Variants in COPG2 observed in about 807,000 individuals in gnomAD.
COPG2 encodes the protein coatomer subunit gamma-2.
COPG2 carries 37 observed loss-of-function variants against 46.3 expected under a neutral mutation model. The observed-to-expected ratio is 0.80, with a 90% CI of 0.61 to 1.05. The LOEUF (loss-of-function observed/expected upper bound fraction) is 1.05. Among genes scored for constraint, COPG2 ranks in the 50% least tolerant of loss-of-function variants. COPG2 has a pLI of 0.00. For missense variants in COPG2, 427 were observed against 387.8 expected (o/e 1.10, Z -0.85); for synonymous variants, 159 against 129.7 (o/e 1.23, Z -1.53).
At chr7:130,613,971 T>C (rs1421664850) in intron 6 of COPG2, among the ~76,000 whole-genome samples, 1 of 152,180 alleles carries the variant, frequency 6.6e-6, no homozygotes, top group East Asian at 1.9e-4. Context: ...GAAATTCCTA[T>C]ATGGAGATGG....
chr7:130,583,673 C>T (rs1205362210), intron 9 of COPG2, among the ~76,000 whole-genome samples: 5 of 150,200 alleles, frequency 3.3e-5, no homozygotes, highest in African/African-American at 7.3e-5. Context: ...GGCATGGTGG[C>T]GCATGCCTGT....
At chr7:130,577,439 C>T (rs1554446402) in intron 9 of COPG2, among the ~76,000 whole-genome samples, 1 of 152,166 alleles carries the variant, frequency 6.6e-6, no homozygotes, top group Non-Finnish European at 1.5e-5. Context: ...TCACTCCCAC[C>T]CGAATATTGA....
intron 20 of COPG2, among the ~76,000 whole-genome samples, chr7:130,523,658 C>T (rs1362644679): frequency 2.0e-5 from 3 of 152,254 alleles, no homozygotes; most frequent in Non-Finnish European, 2.9e-5. Flanking sequence ...GGGTTTCCAA[C>T]GCCTCGGTCC....
chr7:130,605,151 T>C, intron 9 of COPG2: 1 of 515,928 alleles, frequency 1.9e-6, no homozygotes, highest in Non-Finnish European at 3.9e-6. Flanking sequence ...CTTTAATCTG[T>C]TTTCTCTCTG....
chr7:130,626,400 A>ATTTTTT (rs60484682), intron 5 of COPG2, among the ~76,000 whole-genome samples: 6 of 119,842 alleles, frequency 5.0e-5, no homozygotes, highest in African/African-American at 1.3e-4. Context: ...CACCAGGCTA[A>ATTTTTT]TTTTTTTTTT....
chr7:130,611,292 AT>A (rs1302905675), intron 8 of COPG2, among the ~76,000 whole-genome samples, 182 bp from the exon 9 acceptor site: 1 of 152,196 alleles, frequency 6.6e-6, no homozygotes, highest in Non-Finnish European at 1.5e-5. Flanking sequence ...AACGTTTCTA[AT>A]TTACCCCTAG....
chr7:130,653,773 A>T (rs1413793763), intron 4 of COPG2, among the ~76,000 whole-genome samples: 1 of 152,198 alleles, frequency 6.6e-6, no homozygotes, highest in Admixed American at 6.5e-5. Flanking sequence ...AGTCCAAGCT[A>T]TGGAGAAAAC....
intron 9 of COPG2, among the ~76,000 whole-genome samples, chr7:130,576,744 GGAA>G (rs1554446273): frequency 6.6e-6 from 1 of 151,626 alleles, no homozygotes; most frequent in South Asian, 2.1e-4. Context: ...GCAGAAGAAA[GGAA>G]ATAACTAAGA....
chr7:130,565,816 A>C (rs1793793378), intron 9 of COPG2, among the ~76,000 whole-genome samples: 1 of 152,186 alleles, frequency 6.6e-6, no homozygotes, highest in Non-Finnish European at 1.5e-5. Context: ...AATTCACCAG[A>C]AAAAGTTCAA....
chr7:130,628,584 CA>C (rs1795163550), intron 5 of COPG2, among the ~76,000 whole-genome samples: 1 of 152,004 alleles, frequency 6.6e-6, no homozygotes, highest in Non-Finnish European at 1.5e-5. Flanking sequence ...AATAATTTTT[CA>C]AAAAGAAAAA....
intron 20 of COPG2, among the ~76,000 whole-genome samples, chr7:130,521,623 T>C (rs897785877): frequency 6.6e-6 from 1 of 152,142 alleles, no homozygotes; most frequent in African/African-American, 2.4e-5. Flanking sequence ...TACTAAAAAA[T>C]AAGATTTGCC....
intron 5 of COPG2, among the ~76,000 whole-genome samples, chr7:130,617,335 C>T (rs534263280): frequency 8.5e-5 from 13 of 152,244 alleles, no homozygotes; most frequent in Middle Eastern, 3.4e-3. Context: ...AAGATAATCA[C>T]GTAAACAAAA....
chr7:130,578,683 G>A (rs551077110), intron 9 of COPG2, among the ~76,000 whole-genome samples: 2 of 152,204 alleles, frequency 1.3e-5, no homozygotes, highest in East Asian at 1.9e-4. Context: ...ACCAAGGCCC[G>A]AGAACTATAT....
At position 130,513,308 on chromosome 7, in the gene COPG2, A is replaced by AT. The variant is rs1554441290; in HGVS notation, c.2150-4650_2150-4649insA. Among the ~76,000 whole-genome samples, 111 of 55,664 alleles carry AT rather than the reference A, an allele frequency of 2.0e-3. 3 individuals are homozygous for AT. The highest frequency in any genetic ancestry group is 8.6e-3 in the African/African-American group (91 of 10,548). 36.5% of individuals were successfully genotyped at this position (55,664 alleles called of 152,430 possible). On this transcript the variant is annotated intron_variant, in intron 20 of 23. Transcript: ENST00000425248. The stretch of plus-strand genomic sequence containing the variant: ...TTCTGTCTAAAAAAAAAAAAAAAAA[A>AT]ATATATATATATATATATATATATA...
intron 20 of COPG2, among the ~76,000 whole-genome samples, chr7:130,510,762 A>T (rs1554440915): frequency 1.3e-5 from 2 of 152,156 alleles, no homozygotes; most frequent in Non-Finnish European, 2.9e-5. Context: ...TGATACAATG[A>T]GAGGTTACAG....
chr7:130,533,993 G>GA (rs1374797287), intron 20 of COPG2, among the ~76,000 whole-genome samples: 7 of 143,648 alleles, frequency 4.9e-5, no homozygotes, highest in African/African-American at 1.8e-4. Flanking sequence ...GGGTGGGGGG[G>GA]GTGGAGCAGA....
At chr7:130,526,114 G>T (rs1799771939) in intron 20 of COPG2, among the ~76,000 whole-genome samples, 1 of 152,128 alleles carries the variant, frequency 6.6e-6, no homozygotes, top group African/African-American at 2.4e-5. Flanking sequence ...TTTTGTGGGA[G>T]CCTTCTTGAT....
intron 9 of COPG2, among the ~76,000 whole-genome samples, chr7:130,599,151 A>T (rs1794584793): frequency 2.0e-5 from 3 of 152,076 alleles, no homozygotes. Flanking sequence ...TCCCTCATCA[A>T]CCCTTAAGAA....
At chr7:130,542,337 T>C (rs1793346443) in intron 20 of COPG2, among the ~76,000 whole-genome samples, 1 of 151,398 alleles carries the variant, frequency 6.6e-6, no homozygotes, top group Admixed American at 6.6e-5. Flanking sequence ...TTGAGGACCG[T>C]GTGTCAATAA....
Sources: allele counts gnomAD v4.1 joint callset (sites outside exome capture counted in the v4.1 genomes callset), GRCh38; gene constraint gnomAD v4.1.1; transcripts MANE v1.5; gene names NCBI Gene and HGNC (gene_info 2026-07-23, HGNC 2026-07-21).